The following CSMD1 variants were observed in gnomAD, a reference collection of about 807,000 sequenced individuals.
CSMD1 encodes the protein CUB and sushi domain-containing protein 1.
CSMD1 carries 213 observed loss-of-function variants against 417.5 expected under a neutral mutation model. The ratio of observed to expected loss-of-function variants is 0.51; its 90% CI spans 0.46 to 0.57. CSMD1 has a LOEUF of 0.57. CSMD1 is among the 20% of genes least tolerant of loss of function. The pLI, the probability that CSMD1 is intolerant of heterozygous loss-of-function variation, is 0.00. For synonymous variants in CSMD1, 2,862 were observed against 1,736.8 expected (o/e 1.65, Z -16.11); for missense variants, 6,923 against 4,529.7 (o/e 1.53, Z -15.17).
chr8:3,843,461 A>G (rs1183700896), intron 5 of CSMD1, among the ~76,000 whole-genome samples: 1 of 152,196 alleles, frequency 6.6e-6, no homozygotes, highest in South Asian at 2.1e-4. Flanking sequence ...CAAAGATCAA[A>G]ATGACAAATT....
intron 2 of CSMD1, among the ~76,000 whole-genome samples, chr8:4,446,997 G>C (rs906350296): frequency 4.0e-5 from 6 of 151,720 alleles, no homozygotes; most frequent in Non-Finnish European, 7.4e-5. Flanking sequence ...GGAGTGGTAA[G>C]AAACTGTTGC....
chr8:3,240,866 T>C (rs535253724), intron 26 of CSMD1, among the ~76,000 whole-genome samples: 2 of 151,998 alleles, frequency 1.3e-5, no homozygotes, highest in African/African-American at 4.8e-5. Context: ...ACGGGGGAAT[T>C]GTAAGGAGAG....
chr8:4,398,585 C>T (rs1319641346), intron 3 of CSMD1, among the ~76,000 whole-genome samples: 3 of 151,762 alleles, frequency 2.0e-5, no homozygotes, highest in African/African-American at 4.8e-5. Flanking sequence ...TTAGTAGAGA[C>T]GGGGTTTCAC....
intron 5 of CSMD1, among the ~76,000 whole-genome samples, chr8:3,964,272 G>A (rs1007256792): frequency 6.6e-6 from 1 of 152,132 alleles, no homozygotes; most frequent in Non-Finnish European, 1.5e-5. Context: ...GGGGCTTAGA[G>A]CTCACAGGCT....
chr8:4,813,462 G>A (rs1799021930), intron 1 of CSMD1, among the ~76,000 whole-genome samples: 3 of 152,102 alleles, frequency 2.0e-5, no homozygotes, highest in African/African-American at 7.2e-5. Flanking sequence ...AGATACAACA[G>A]AACGTATCAA....
At chr8:2,949,236 TA>T (rs1349593647) in intron 68 of CSMD1, 62 bp downstream of exon 68, 21 of 898,666 alleles carry the variant, frequency 2.3e-5, no homozygotes, top group Non-Finnish European at 3.7e-5. Flanking sequence ...CATTTCTTCT[TA>T]GAAACATCAT....
At chr8:4,135,690 T>C (rs1391138266) in intron 3 of CSMD1, among the ~76,000 whole-genome samples, 1 of 152,142 alleles carries the variant, frequency 6.6e-6, no homozygotes, top group East Asian at 1.9e-4. Flanking sequence ...TGCTTATTAG[T>C]CAGGATATTA....
intron 1 of CSMD1, among the ~76,000 whole-genome samples, chr8:4,658,311 T>G (rs375144043): frequency 1.8e-4 from 28 of 152,028 alleles, no homozygotes; most frequent in East Asian, 1.2e-3. Flanking sequence ...TTAATAAAAT[T>G]TTGAAAGACA....
intron 50 of CSMD1, among the ~76,000 whole-genome samples, chr8:3,052,153 A>G (rs1042703267): frequency 3.3e-5 from 5 of 152,142 alleles, no homozygotes; most frequent in African/African-American, 1.2e-4. Context: ...TAATGTCTCA[A>G]TTTCCTCTAG....
At chr8:4,682,487 T>C (rs1216422910) in intron 1 of CSMD1, among the ~76,000 whole-genome samples, 1 of 152,094 alleles carries the variant, frequency 6.6e-6, no homozygotes, top group Non-Finnish European at 1.5e-5. Context: ...AATAGAATAA[T>C]ATGAAAGATA....
chr8:3,901,032 G>A (rs1807715339), intron 5 of CSMD1, among the ~76,000 whole-genome samples: 1 of 152,026 alleles, frequency 6.6e-6, no homozygotes, highest in Non-Finnish European at 1.5e-5. Context: ...ACATTACTTT[G>A]GTAATAAGAT....
intron 3 of CSMD1, among the ~76,000 whole-genome samples, chr8:4,142,940 C>T (rs1024573975): frequency 2.0e-5 from 3 of 150,270 alleles, no homozygotes; most frequent in Admixed American, 6.6e-5. Flanking sequence ...GTATTTGCAT[C>T]ATAAACAGAA....
chr8:4,141,438 G>T (rs34558972), intron 3 of CSMD1, among the ~76,000 whole-genome samples: 2 of 150,920 alleles, frequency 1.3e-5, no homozygotes, highest in Non-Finnish European at 2.9e-5. Flanking sequence ...CTATCATTTA[G>T]ATAGCATTTC....
intron 4 of CSMD1, among the ~76,000 whole-genome samples, chr8:4,001,094 G>C (rs73182005): frequency 2.0e-5 from 3 of 151,440 alleles, no homozygotes; most frequent in Admixed American, 6.6e-5. Flanking sequence ...ATGAATTTTT[G>C]TCATGGCAGT....
chr8:3,054,733 T>C (rs1342235103), intron 49 of CSMD1, among the ~76,000 whole-genome samples: 1 of 152,188 alleles, frequency 6.6e-6, no homozygotes, highest in Non-Finnish European at 1.5e-5. Flanking sequence ...AGTACATGTG[T>C]GTATGGCATA....
chr8:3,803,748 G>T (rs1563096542), intron 5 of CSMD1, among the ~76,000 whole-genome samples: 1 of 152,166 alleles, frequency 6.6e-6, no homozygotes, highest in Non-Finnish European at 1.5e-5. Context: ...GACGAATCTT[G>T]ATTAGGGTCC....
intron 10 of CSMD1, among the ~76,000 whole-genome samples, chr8:3,545,236 G>C (rs1798609063): frequency 6.6e-6 from 1 of 152,152 alleles, no homozygotes; most frequent in African/African-American, 2.4e-5. Context: ...GTGTATATAT[G>C]TATGTGTCTA....
intron 3 of CSMD1, among the ~76,000 whole-genome samples, chr8:4,350,500 C>G (rs1005570171): frequency 1.3e-5 from 2 of 152,192 alleles, no homozygotes; most frequent in Admixed American, 1.3e-4. Context: ...GGTAAGATCA[C>G]CGCAGCAGTG....
At chr8:3,346,954 G>A (rs1267949206) in intron 22 of CSMD1, among the ~76,000 whole-genome samples, 1 of 152,208 alleles carries the variant, frequency 6.6e-6, no homozygotes, top group African/African-American at 2.4e-5. Flanking sequence ...GCTGAAATAA[G>A]CAGGTGACTG....
Sources: allele counts gnomAD v4.1 joint callset (sites outside exome capture counted in the v4.1 genomes callset), GRCh38; gene constraint gnomAD v4.1.1; transcripts MANE v1.5; gene names NCBI Gene and HGNC (gene_info 2026-07-23, HGNC 2026-07-21).